Variants in MDGA1 observed in about 807,000 individuals in gnomAD.
MDGA1 encodes the protein MAM domain-containing glycosylphosphatidylinositol anchor protein 1.
A neutral mutation model predicts 101.5 loss-of-function variants in MDGA1; 54 were observed. That is an observed-to-expected ratio of 0.53 (90% CI 0.43 to 0.67). The LOEUF is 0.67. MDGA1 is among the 30% of genes least tolerant of loss of function. The pLI, the probability that MDGA1 is intolerant of heterozygous loss-of-function variation, is 0.00. For synonymous variants in MDGA1, 533 were observed against 558.3 expected, an observed-to-expected ratio of 0.95 and a Z score of 0.64; for missense variants, 1,083 against 1,323.8, an observed-to-expected ratio of 0.82 and a Z score of 2.82.
intron 1 of MDGA1, among the ~76,000 whole-genome samples, chr6:37,672,643 C>A (rs2114072346): frequency 6.6e-6 from 1 of 152,262 alleles, no homozygotes; most frequent in African/African-American, 2.4e-5. Context: ...AGAGCAGGTG[C>A]CACCACCCCA....
At chr6:37,649,383 C>G in intron 8 of MDGA1, 117 bp from the exon 9 acceptor site, 2 of 1,386,326 alleles carry the variant, frequency 1.4e-6, no homozygotes, top group Non-Finnish European at 1.9e-6. Flanking sequence ...CAGGAAAAAT[C>G]CCAGGGCGGA....
chr6:37,666,355 G>A lies in MDGA1; in HGVS notation c.68-2249C>T, dbSNP rs1367191626. Among the ~76,000 whole-genome samples the A allele has an allele frequency of 2.1e-3, 261 of 122,748 alleles. 2 individuals are homozygous for A. The highest frequency in any genetic ancestry group is 3.5e-3 in the South Asian group (13 of 3,720). 80.5% of individuals were successfully genotyped at this position (122,748 alleles called of 152,430 possible). ...AGCCTGGGCCACAGAGGGACACTCCGTCTCAAAAAAAAAAAAAAAGAAAAG... is the reference window on the plus strand; with the variant it reads ...AGCCTGGGCCACAGAGGGACACTCCATCTCAAAAAAAAAAAAAAAGAAAAG... On this transcript the variant is annotated intron_variant, in intron 1 of 16. Transcript: ENST00000434837.
intron 2 of MDGA1, among the ~76,000 whole-genome samples, chr6:37,658,640 G>T (rs936944377): frequency 1.3e-5 from 2 of 152,218 alleles, no homozygotes; most frequent in African/African-American, 4.8e-5. Context: ...GGATCAGAGG[G>T]AAGAGGCTTT....
chr6:37,642,137 T>TTATATATACGTA (rs1554132375), intron 14 of MDGA1, among the ~76,000 whole-genome samples: 4 of 103,220 alleles, frequency 3.9e-5, no homozygotes, highest in Non-Finnish European at 6.2e-5. Context: ...AGGAAATAGA[T>TTATATATACGTA]TATATATATG....
At chr6:37,650,450 G>C in intron 7 of MDGA1, 45 bp from the exon 8 acceptor site, 1 of 1,461,904 alleles carries the variant, frequency 6.8e-7, no homozygotes, top group Non-Finnish European at 9.1e-7. Context: ...AGCGGAGTTA[G>C]AGCTCCCCAC....
intron 3 of MDGA1, among the ~76,000 whole-genome samples, chr6:37,657,942 C>G (rs544516845): frequency 6.6e-6 from 1 of 152,358 alleles, no homozygotes; most frequent in South Asian, 2.1e-4. Flanking sequence ...CTACCCCGCT[C>G]CATGCCTGTG....
At chr6:37,694,400 C>A (rs1312983954) in intron 1 of MDGA1, among the ~76,000 whole-genome samples, 1 of 152,216 alleles carries the variant, frequency 6.6e-6, no homozygotes, top group Non-Finnish European at 1.5e-5. Flanking sequence ...CTGCCTAGCT[C>A]CTGCTGTTGT....
Position 37,638,020 on chromosome 6 carries a change from T to C in MDGA1, c.2776+185A>G. 1 of 621,732 alleles carries C rather than the reference T, an allele frequency of 1.6e-6. No individual in the cohort carries two copies. Among genetic ancestry groups the C allele is most frequent in the Non-Finnish European group, 2.9e-6 (1 of 339,548 alleles). 38.5% of individuals were successfully genotyped at this position (621,732 alleles called of 1,614,324 possible). ...GGTGGGGGCCAGGCTTCTCATTGTT[T>C]ACACAAGTACACAGCCTGAGTGAGT... On this transcript the variant is annotated intron_variant, in intron 16 of 16. Transcript: ENST00000434837. This position sits in a 1 kb window ranked among gnomAD's most constrained non-coding sequence, Gnocchi z 4.8.
At chr6:37,656,281 T>C (rs1434697500) in intron 3 of MDGA1, among the ~76,000 whole-genome samples, 1 of 151,974 alleles carries the variant, frequency 6.6e-6, no homozygotes, top group African/African-American at 2.4e-5. Context: ...TTTCACCATG[T>C]TGGCCAGGAT....
At chr6:37,639,070 G>T in intron 14 of MDGA1, 1 of 197,406 alleles carries the variant, frequency 5.1e-6, no homozygotes, top group Non-Finnish European at 1.1e-5. Flanking sequence ...CCTGTTGGCA[G>T]TACATGACTT....
chr6:37,637,899 G>A lies in MDGA1; in HGVS notation c.2776+306C>T, dbSNP rs142174665. The A allele has an allele frequency of 2.1e-3, 1,102 of 528,628 alleles. 5 individuals are homozygous for A. Among genetic ancestry groups the A allele is most frequent in the Non-Finnish European group, 3.0e-3 (922 of 302,894 alleles). The allele number at this position is 528,628 out of a possible 1,614,324, so 32.7% of individuals were successfully genotyped here. ...AAACCTCTGGCCCTGGAAGGCACACGTTCACCTCTGGAGCCAGAGGTACGC... is the reference window on the plus strand; with the variant it reads ...AAACCTCTGGCCCTGGAAGGCACACATTCACCTCTGGAGCCAGAGGTACGC... On this transcript the variant is annotated intron_variant, in intron 16 of 16. Transcript: ENST00000434837.
In MDGA1 at chr6:37,652,015, C is replaced by A; in HGVS notation, c.1308G>T (p.Glu436Asp). 1 of 1,587,958 alleles carries A rather than the reference C, an allele frequency of 6.3e-7. No individual in the cohort carries two copies. Among genetic ancestry groups the A allele is most frequent in the South Asian group, 1.1e-5 (1 of 89,644 alleles). ...AGTGCCCCTCCAGCTGCCCACCTGT[C>A]TCAGAGGAGATGTTGACCTCGACGC... The part of the protein sequence containing the change: ...DLSVEVNISS[E>D]TVPPTISVPK... Residue 436 changes from glutamate to aspartate, a missense_variant, in exon 7 of 17, where the codon GAG becomes GAT. Glu to Asp is a conservative substitution (Grantham distance 45, BLOSUM62 2). Coordinates refer to ENST00000434837, the MANE Select transcript of MDGA1 (RefSeq NM_153487.4). This position sits in a 1 kb window ranked among gnomAD's most constrained non-coding sequence, Gnocchi z 4.3.
Position 37,655,673 on chromosome 6 carries a change from T to G in MDGA1, c.579+27A>C, listed in dbSNP as rs765223594. On this transcript the variant is annotated intron_variant, in intron 4 of 16. Transcript: ENST00000434837. This position sits in a 1 kb window ranked among gnomAD's most constrained non-coding sequence, Gnocchi z 5.1. ...CCTGTTGGATGCAGGAGAAGTGGTA[T>G]GGGGCGAGCCAGCTGCCCATCCTGA... 1.9e-6 allele frequency: 3 copies of G among 1,563,976 alleles called. No individual in the cohort carries two copies. The highest frequency in any genetic ancestry group is 1.3e-5 in the African/African-American group (1 of 74,108).
At chr6:37,646,028 C>A (rs780682487) in intron 11 of MDGA1, 72 bp from the exon 12 acceptor site, 1 of 1,606,580 alleles carries the variant, frequency 6.2e-7, no homozygotes, top group Admixed American at 1.7e-5. Flanking sequence ...CTGCTTGGGA[C>A]CAGAGGACAG....
chr6:37,646,730 TC>T (rs1191521423), intron 10 of MDGA1, among the ~76,000 whole-genome samples: 3 of 152,022 alleles, frequency 2.0e-5, no homozygotes, highest in Admixed American at 2.0e-4. Context: ...CTCCCACCAA[TC>T]ACCTCTTGGG....
At chr6:37,665,578 C>T (rs894418269) in intron 1 of MDGA1, among the ~76,000 whole-genome samples, 1 of 152,172 alleles carries the variant, frequency 6.6e-6, no homozygotes, top group Non-Finnish European at 1.5e-5. Flanking sequence ...AAACAATTGC[C>T]GACCATCTAC....
At chr6:37,643,044 A>AGGGCTT (rs750294981) in intron 14 of MDGA1, among the ~76,000 whole-genome samples, 2 of 152,220 alleles carry the variant, frequency 1.3e-5, no homozygotes, top group Non-Finnish European at 2.9e-5. Flanking sequence ...TCTCATGTTT[A>AGGGCTT]GGGCTTGGAG....
chr6:37,651,062 G>C (rs993673376), intron 7 of MDGA1, among the ~76,000 whole-genome samples: 2 of 152,250 alleles, frequency 1.3e-5, no homozygotes, highest in Non-Finnish European at 2.9e-5. Context: ...CGTGGCACAT[G>C]CTAAGGATGA....
intron 7 of MDGA1, 114 bp from the exon 8 acceptor site, chr6:37,650,519 T>C: frequency 8.9e-7 from 1 of 1,121,894 alleles, no homozygotes; most frequent in Non-Finnish European, 1.2e-6. Context: ...CTCTCTCCCA[T>C]CCCAGACTTC....
Sources: gnomAD v4.1 joint callset for allele counts (sites outside exome capture counted in the v4.1 genomes callset) on GRCh38, gnomAD v4.1.1 for gene constraint, Gnocchi (gnomAD v3.1) non-coding constraint, MANE v1.5 for transcripts, NCBI Gene and HGNC (gene_info 2026-07-23, HGNC 2026-07-21) for gene names.